The following CCDC85C variants were observed in gnomAD, a reference collection of about 807,000 sequenced individuals.
The protein encoded by CCDC85C is coiled-coil domain-containing protein 85C.
Under a neutral mutation model 38.3 loss-of-function variants are expected in CCDC85C, and 18 were observed. The observed-to-expected ratio is 0.47, with a 90% CI of 0.33 to 0.70. CCDC85C has a LOEUF of 0.70. Ranked by LOEUF, CCDC85C falls within the 30% of genes least tolerant of loss-of-function variation. The probability of loss-of-function intolerance (pLI) is 0.03; values close to 1 mark genes in which losing one functional copy is unlikely to be tolerated. For synonymous variants in CCDC85C, 264 were observed against 293.8 expected (o/e 0.90, Z 1.04); for missense variants, 566 against 621.2 (o/e 0.91, Z 0.94).
Position 99,502,409 on chromosome 14 carries a change from G to C in CCDC85C, c.*12837C>G. ...GCATGCTAAGCGTTCTCGTGAGGGT[G>C]TTCCATGTTGAGATGATTCTTCCAT... On this transcript the variant is annotated 3_prime_UTR_variant, in exon 6 of 6. Transcript: ENST00000380243. 1 of 1,603,290 alleles carries C rather than the reference G, an allele frequency of 6.2e-7. No individual in the cohort carries two copies. Among genetic ancestry groups the C allele is most frequent in the Non-Finnish European group, 8.5e-7 (1 of 1,174,212 alleles).
At chr14:99,536,828 C>A (rs1039745774) in intron 1 of CCDC85C, among the ~76,000 whole-genome samples, 1 of 152,214 alleles carries the variant, frequency 6.6e-6, no homozygotes, top group African/African-American at 2.4e-5. Flanking sequence ...GCTTTCCAGT[C>A]ACATCAGGAA....
At chr14:99,597,735 T>C (rs907584090) in intron 1 of CCDC85C, among the ~76,000 whole-genome samples, 1 of 152,116 alleles carries the variant, frequency 6.6e-6, no homozygotes, top group Non-Finnish European at 1.5e-5. Flanking sequence ...TTCCAAACCT[T>C]AGCCATTCTT....
intron 1 of CCDC85C, among the ~76,000 whole-genome samples, chr14:99,599,698 T>G (rs2139996226): frequency 6.6e-6 from 1 of 152,234 alleles, no homozygotes; most frequent in African/African-American, 2.4e-5. Flanking sequence ...GAGACCAGCC[T>G]GGGCAACATA....
chr14:99,603,501 C>A lies in CCDC85C; in HGVS notation c.459G>T (p.Glu153Asp). The A allele has an allele frequency of 7.6e-7, 1 of 1,320,000 alleles. No individual in the cohort carries two copies. Among genetic ancestry groups the A allele is most frequent in the African/African-American group, 1.5e-5 (1 of 64,700 alleles). The allele number at this position is 1,320,000 out of a possible 1,614,324, so 81.8% of individuals were successfully genotyped here. ...ELKELVLLLDEERAALAATGA... is the reference protein window; with the variant it reads ...ELKELVLLLDDERAALAATGA... The stretch of plus-strand genomic sequence containing the variant: ...CCGTCGCCGCCAGTGCCGCGCGCTC[C>A]TCGTCCAGCAGCAGCACCAGCTCCT... Residue 153 changes from glutamate to aspartate, a missense_variant, in exon 1 of 6, where the codon GAG becomes GAT. Transcript: ENST00000380243. This position sits in a 1 kb window ranked among gnomAD's most constrained non-coding sequence, Gnocchi z 7.5.
At chr14:99,599,138 T>G (rs1465226509) in intron 1 of CCDC85C, among the ~76,000 whole-genome samples, 1 of 152,210 alleles carries the variant, frequency 6.6e-6, no homozygotes, top group Non-Finnish European at 1.5e-5. Flanking sequence ...TAGCGTGCTC[T>G]GTCTTTTTCT....
chr14:99,536,181 G>T, intron 1 of CCDC85C, 93 bp from the exon 2 acceptor site: 1 of 916,116 alleles, frequency 1.1e-6, no homozygotes, highest in Non-Finnish European at 1.8e-6. Context: ...GGCATGGAAG[G>T]TTTGGGTCTG....
rs527918537 is a variant in CCDC85C at position 99,558,836 on chromosome 14, T to G, written c.794-22748A>C. 7.9e-5 allele frequency among the ~76,000 whole-genome samples: 12 copies of G among 152,294 alleles called. No homozygotes were observed. The highest frequency in any genetic ancestry group is 2.9e-4 in the African/African-American group (12 of 41,570). On this transcript the variant is annotated intron_variant, in intron 1 of 5. Transcript: ENST00000380243. The surrounding 1 kb of genome is among the most constrained non-coding windows in gnomAD (Gnocchi z 4.2). ...TCTGGGTCCTCACCCAATCTCATGT[T>G]GAATGTATCCCCAGTGCTGGAGGTG...
chr14:99,516,610 G>A lies in CCDC85C; in HGVS notation c.1072-324C>T, dbSNP rs1897229795. ...ATGAGTGGGCACTCGCCACGTGGAG[G>A]GGGTGTGAGTAGGCGTGGCCGTGCA... On this transcript the variant is annotated intron_variant, in intron 4 of 5. Transcript: ENST00000380243. The surrounding 1 kb of genome is among the most constrained non-coding windows in gnomAD (Gnocchi z 5.5). Among the ~76,000 whole-genome samples, 1 of 152,158 alleles carries A rather than the reference G, an allele frequency of 6.6e-6. No homozygotes were observed. The highest frequency in any genetic ancestry group is 1.5e-5 in the Non-Finnish European group (1 of 68,016).
rs111496963 is a variant in CCDC85C at position 99,544,718 on chromosome 14, G to A, written c.794-8630C>T. On this transcript the variant is annotated intron_variant, in intron 1 of 5. Coordinates refer to ENST00000380243, the MANE Select transcript of CCDC85C (RefSeq NM_001144995.2). The surrounding 1 kb of genome is among the most constrained non-coding windows in gnomAD (Gnocchi z 5.3). ...TGACCCATCTCTCCTCCGAGACCTC[G>A]CCTCCAAGGGCACCAGATAAGCGCC... Among the ~76,000 whole-genome samples, 2,882 of 152,078 alleles carry A rather than the reference G, an allele frequency of 0.019. 98 individuals carry two copies. The highest frequency in any genetic ancestry group is 0.067 in the African/African-American group (2,759 of 41,460).
rs768363302 is a variant in CCDC85C, at chr14:99,500,349, A to G, written c.*14897T>C. 3.5e-5 allele frequency: 7 copies of G among 198,786 alleles called. No individual in the cohort carries two copies. Among genetic ancestry groups the G allele is most frequent in the Admixed American group, 1.1e-4 (2 of 18,294 alleles). The allele number at this position is 198,786 out of a possible 1,614,324, so 12.3% of individuals were successfully genotyped here. On this transcript the variant is annotated 3_prime_UTR_variant, in exon 6 of 6. Transcript: ENST00000380243. ...TCTCTGAGTTTTCATGAGGCTGGCT[A>G]TCATAAACTCTTTCTTGCTTAAAAT...
chr14:99,542,972 C>A (rs76470199), intron 1 of CCDC85C, among the ~76,000 whole-genome samples: 1 of 152,064 alleles, frequency 6.6e-6, no homozygotes, highest in African/African-American at 2.4e-5. Flanking sequence ...CAACTCCAGG[C>A]CTGCCTACTC....
At chr14:99,532,556 A>G (rs1368631453) in intron 2 of CCDC85C, among the ~76,000 whole-genome samples, 1 of 152,138 alleles carries the variant, frequency 6.6e-6, no homozygotes, top group African/African-American at 2.4e-5. Context: ...CAGGTCTGGG[A>G]GAGAAAGTGG....
intron 2 of CCDC85C, among the ~76,000 whole-genome samples, chr14:99,529,870 C>T (rs1271617316): frequency 2.6e-5 from 4 of 152,232 alleles, no homozygotes; most frequent in South Asian, 2.1e-4. Context: ...GTGGTTAACC[C>T]GCCACCCTTA....
chr14:99,518,114 A>T (rs1897253496), intron 3 of CCDC85C, among the ~76,000 whole-genome samples: 1 of 152,144 alleles, frequency 6.6e-6, no homozygotes, highest in African/African-American at 2.4e-5. Context: ...CGGCCTGGCA[A>T]GCTCAGGGAG....
intron 2 of CCDC85C, among the ~76,000 whole-genome samples, chr14:99,529,718 T>C (rs1897456137): frequency 6.6e-6 from 1 of 152,248 alleles, no homozygotes; most frequent in East Asian, 1.9e-4. Context: ...GGTGCGGATT[T>C]GCAAAACCAA....
chr14:99,592,016 G>C (rs570552789), intron 1 of CCDC85C, among the ~76,000 whole-genome samples: 2 of 152,262 alleles, frequency 1.3e-5, no homozygotes, highest in South Asian at 2.1e-4. Flanking sequence ...TGACAGGCGC[G>C]AGCCACCACA....
Position 99,502,636 on chromosome 14 carries a change from G to T in CCDC85C, c.*12610C>A, listed in dbSNP as rs79410788. ...GATTCATGCTTAGGTCCTCGTAGGG[G>T]TATCATAACTGATTCTTTATCCAGG... On this transcript the variant is annotated 3_prime_UTR_variant, in exon 6 of 6. Coordinates refer to ENST00000380243, the MANE Select transcript of CCDC85C (RefSeq NM_001144995.2). 3.0e-6 allele frequency: 4 copies of T among 1,342,512 alleles called. No individual in the cohort carries two copies. The African/African-American group carries it at 4.4e-5, about 15-fold the overall frequency. The allele number at this position is 1,342,512 out of a possible 1,614,324, so 83.2% of individuals were successfully genotyped here. A position where few individuals can be genotyped will look rare whatever the true frequency, so the allele number is the denominator to read the frequency against.
chr14:99,502,304 T>C lies in CCDC85C; in HGVS notation c.*12942A>G. Reference sequence around the variant, plus strand: ...TTTGTGCAAATTTGAAATACAAGAATGGACCTCCAAACCCATGTATAGGAG... The same window carrying C: ...TTTGTGCAAATTTGAAATACAAGAACGGACCTCCAAACCCATGTATAGGAG... On this transcript the variant is annotated 3_prime_UTR_variant, in exon 6 of 6. Coordinates refer to ENST00000380243, the MANE Select transcript of CCDC85C (RefSeq NM_001144995.2). 2 of 1,613,312 alleles carry C rather than the reference T, an allele frequency of 1.2e-6. No homozygotes were observed. Among genetic ancestry groups the C allele is most frequent in the Non-Finnish European group, 8.5e-7 (1 of 1,179,668 alleles).
chr14:99,585,430 A>C (rs1308182737), intron 1 of CCDC85C, among the ~76,000 whole-genome samples: 2 of 152,114 alleles, frequency 1.3e-5, no homozygotes, highest in African/African-American at 2.4e-5. Context: ...CGCTTCCTCC[A>C]CTGGGACCTT....
Sources: gnomAD v4.1 joint callset for allele counts (sites outside exome capture counted in the v4.1 genomes callset) on GRCh38, gnomAD v4.1.1 for gene constraint, Gnocchi (gnomAD v3.1) non-coding constraint, MANE v1.5 for transcripts, NCBI Gene and HGNC (gene_info 2026-07-23, HGNC 2026-07-21) for gene names.